CNTNAP2: variants seen among roughly 807,000 people sequenced by gnomAD.
CNTNAP2 encodes contactin-associated protein-like 2.
Under a neutral mutation model 155.2 loss-of-function variants are expected in CNTNAP2, and 98 were observed. The ratio of observed to expected loss-of-function variants is 0.63; its 90% CI spans 0.54 to 0.75. The LOEUF is 0.75. CNTNAP2 is among the 30% of genes least tolerant of loss of function. The pLI, the probability that CNTNAP2 is intolerant of heterozygous loss-of-function variation, is 0.00. For synonymous variants in CNTNAP2, 651 were observed against 631.2 expected (o/e 1.03, Z -0.47); for missense variants, 1,727 against 1,688.1 (o/e 1.02, Z -0.40).
intron 1 of CNTNAP2, among the ~76,000 whole-genome samples, chr7:146,395,134 C>T (rs754242539): frequency 1.5e-4 from 23 of 152,104 alleles, no homozygotes; most frequent in African/African-American, 2.4e-4. Flanking sequence ...TTTTCTTTAT[C>T]GCATCATCCA....
intron 15 of CNTNAP2, among the ~76,000 whole-genome samples, chr7:148,101,971 T>C (rs1804111189): frequency 6.6e-6 from 1 of 152,164 alleles, no homozygotes; most frequent in Non-Finnish European, 1.5e-5. Context: ...GACCAAAACT[T>C]CTATTTTTTC....
At chr7:148,110,590 T>A (rs1398763037) in intron 15 of CNTNAP2, among the ~76,000 whole-genome samples, 1 of 152,174 alleles carries the variant, frequency 6.6e-6, no homozygotes, top group Non-Finnish European at 1.5e-5. Context: ...ACTTCACTAC[T>A]GGCAGTAAAG....
chr7:147,197,495 G>A (rs1563112462), intron 8 of CNTNAP2, among the ~76,000 whole-genome samples: 1 of 152,126 alleles, frequency 6.6e-6, no homozygotes, highest in African/African-American at 2.4e-5. Context: ...AAGATAAGGA[G>A]TAATATTAGA....
chr7:147,119,524 C>T (rs904381984), intron 5 of CNTNAP2, among the ~76,000 whole-genome samples: 1 of 152,152 alleles, frequency 6.6e-6, no homozygotes. Flanking sequence ...TCACTTAGTT[C>T]TGAATTTTCT....
At chr7:147,039,438 T>C (rs1444170453) in intron 3 of CNTNAP2, among the ~76,000 whole-genome samples, 1 of 152,178 alleles carries the variant, frequency 6.6e-6, no homozygotes, top group African/African-American at 2.4e-5. Context: ...ATCATTTAGC[T>C]CCCACTTACA....
intron 10 of CNTNAP2, among the ~76,000 whole-genome samples, chr7:147,465,332 G>A (rs904927168): frequency 6.6e-6 from 1 of 151,908 alleles, no homozygotes; most frequent in African/African-American, 2.4e-5. Flanking sequence ...AGGAAAAAAT[G>A]TATATTTCAT....
At position 146,540,345 on chromosome 7, in the gene CNTNAP2, C is replaced by T. The variant is rs1997126; in HGVS notation, c.98-233926C>T. 5.1e-3 allele frequency among the ~76,000 whole-genome samples: 773 copies of T among 152,126 alleles called. 8 individuals are homozygous for T. Among genetic ancestry groups the T allele is most frequent in the African/African-American group, 0.017 (722 of 41,536 alleles). On this transcript the variant is annotated intron_variant, in intron 1 of 23. Transcript: ENST00000361727. The stretch of plus-strand genomic sequence containing the variant: ...CAACCAAGTTTAGAGATATCTGCTC[C>T]ATGTCCCAAACTTCCCAGATAAGGG...
intron 8 of CNTNAP2, among the ~76,000 whole-genome samples, chr7:147,253,233 G>A (rs1241732615): frequency 6.6e-6 from 1 of 152,036 alleles, no homozygotes; most frequent in Non-Finnish European, 1.5e-5. Context: ...TTGGAGCATA[G>A]GCACTGTGAT....
At chr7:146,852,705 T>TC (rs1228548497) in intron 3 of CNTNAP2, among the ~76,000 whole-genome samples, 1 of 152,204 alleles carries the variant, frequency 6.6e-6, no homozygotes, top group African/African-American at 2.4e-5. Context: ...AAAACAGCTT[T>TC]CCCCAATTAA....
chr7:147,001,267 T>C (rs1798416167), intron 3 of CNTNAP2, among the ~76,000 whole-genome samples: 1 of 152,100 alleles, frequency 6.6e-6, no homozygotes, highest in Non-Finnish European at 1.5e-5. Context: ...TCGAAATTGA[T>C]GTTTCTTCCG....
intron 1 of CNTNAP2, among the ~76,000 whole-genome samples, chr7:146,725,310 C>T (rs898307348): frequency 3.9e-5 from 6 of 152,164 alleles, no homozygotes; most frequent in Admixed American, 3.9e-4. Context: ...AGTAAAACAA[C>T]CTTTGCAGAC....
At chr7:146,255,315 A>G (rs1313184290) in intron 1 of CNTNAP2, among the ~76,000 whole-genome samples, 2 of 152,194 alleles carry the variant, frequency 1.3e-5, no homozygotes, top group Non-Finnish European at 2.9e-5. Flanking sequence ...TGTGAATATT[A>G]AAAGATTATT....
chr7:146,391,199 T>G (rs1478670682), intron 1 of CNTNAP2, among the ~76,000 whole-genome samples: 2 of 151,042 alleles, frequency 1.3e-5, no homozygotes, highest in Non-Finnish European at 2.9e-5. Context: ...CAAGTAAATG[T>G]GATGCCTGCT....
chr7:147,654,808 CTTTTTTTTTTTTTT>C lies in CNTNAP2; in HGVS notation c.2098+15512_2098+15525del, dbSNP rs1186575442. 1.5e-3 allele frequency among the ~76,000 whole-genome samples: 147 copies of C among 97,318 alleles called. 2 individuals carry two copies. Among genetic ancestry groups the C allele is most frequent in the African/African-American group, 6.0e-3 (134 of 22,516 alleles). 63.8% of individuals were successfully genotyped at this position (97,318 alleles called of 152,430 possible). On this transcript the variant is annotated intron_variant, in intron 13 of 23. Transcript: ENST00000361727. Reference sequence around the variant, plus strand: ...AGCTATAGCCTAGCAAAATATATTTCTTTTTTTTTTTTTTTTTTTTTTTGAGACTGAGTCTCACT... The same window carrying C: ...AGCTATAGCCTAGCAAAATATATTTCTTTTTTTTTGAGACTGAGTCTCACT...
At chr7:148,231,510 A>T (rs1486191925) in intron 20 of CNTNAP2, among the ~76,000 whole-genome samples, 1 of 152,138 alleles carries the variant, frequency 6.6e-6, no homozygotes, top group South Asian at 2.1e-4. Flanking sequence ...AAAACTGTGG[A>T]CTAGAATACC....
At chr7:146,520,732 G>A (rs1007148209) in intron 1 of CNTNAP2, among the ~76,000 whole-genome samples, 5 of 151,764 alleles carry the variant, frequency 3.3e-5, no homozygotes, top group Admixed American at 2.0e-4. Context: ...AACAAACTAT[G>A]AACTCTTAAG....
intron 2 of CNTNAP2, among the ~76,000 whole-genome samples, chr7:146,831,474 G>A (rs368641290): frequency 6.6e-6 from 1 of 151,780 alleles, no homozygotes; most frequent in Non-Finnish European, 1.5e-5. Flanking sequence ...TCGAGAGATC[G>A]AGACCAGCTT....
chr7:147,970,251 C>T (rs1801310908), intron 14 of CNTNAP2, among the ~76,000 whole-genome samples: 1 of 152,138 alleles, frequency 6.6e-6, no homozygotes, highest in Non-Finnish European at 1.5e-5. Flanking sequence ...AAGAACAACC[C>T]AAAGATTATT....
At chr7:147,480,941 A>G (rs1798411699) in intron 10 of CNTNAP2, among the ~76,000 whole-genome samples, 1 of 152,192 alleles carries the variant, frequency 6.6e-6, no homozygotes, top group Admixed American at 6.5e-5. Flanking sequence ...CTATGCACAC[A>G]AAGGTTTGAG....
Sources: allele counts gnomAD v4.1 joint callset (sites outside exome capture counted in the v4.1 genomes callset), GRCh38; gene constraint gnomAD v4.1.1; transcripts MANE v1.5; gene names NCBI Gene and HGNC (gene_info 2026-07-23, HGNC 2026-07-21).